Variants in ACOX3 observed in about 807,000 individuals in gnomAD.
The protein encoded by ACOX3 is peroxisomal acyl-coenzyme A oxidase 3.
Under a neutral mutation model 81.5 loss-of-function variants are expected in ACOX3, and 73 were observed. The ratio of observed to expected loss-of-function variants is 0.90; its 90% CI spans 0.74 to 1.09. The LOEUF (loss-of-function observed/expected upper bound fraction) is 1.09, where lower values mean the gene tolerates loss of function less well. ACOX3 is among the 50% of genes least tolerant of loss of function. The pLI is 0.00. For synonymous variants in ACOX3, 387 were observed against 375.1 expected (o/e 1.03, Z -0.37); for missense variants, 947 against 928.0 (o/e 1.02, Z -0.27).
At chr4:8,398,714 G>C (rs1424612322) in intron 8 of ACOX3, among the ~76,000 whole-genome samples, 5 of 152,148 alleles carry the variant, frequency 3.3e-5, no homozygotes, top group Non-Finnish European at 7.3e-5. Flanking sequence ...GGGCTCAAGC[G>C]ATCTGCCCAC....
chr4:8,408,383 C>T (rs889149957), intron 6 of ACOX3, among the ~76,000 whole-genome samples: 4 of 152,202 alleles, frequency 2.6e-5, no homozygotes, highest in Non-Finnish European at 5.9e-5. Context: ...CTGTTTCCAT[C>T]CCTCCTTATC....
Position 8,431,018 on chromosome 4 carries a change from G to A in ACOX3, c.-15+9630C>T, listed in dbSNP as rs1723921090. On this transcript the variant is annotated intron_variant, in intron 1 of 17. Transcript: ENST00000356406. The surrounding 1 kb of genome is among the most constrained non-coding windows in gnomAD (Gnocchi z 5.3). The stretch of plus-strand genomic sequence containing the variant: ...CAGTACAGGTAAAAGACAAGGGCCT[G>A]AGATAAGGCCATCTTGGTGGAGCTG... Among the ~76,000 whole-genome samples the A allele has an allele frequency of 6.6e-6, 1 of 152,188 alleles. No individual in the cohort carries two copies. The highest frequency in any genetic ancestry group is 2.4e-5 in the African/African-American group (1 of 41,444).
At chr4:8,415,045 C>A (rs1018290850) in intron 3 of ACOX3, 117 bp from the exon 4 acceptor site, 4 of 937,938 alleles carry the variant, frequency 4.3e-6, no homozygotes, top group South Asian at 1.4e-5. Context: ...CCCTGCCACA[C>A]TGCACTTTCC....
chr4:8,372,266 T>A (rs1716308576), intron 16 of ACOX3, among the ~76,000 whole-genome samples: 1 of 152,168 alleles, frequency 6.6e-6, no homozygotes, highest in South Asian at 2.1e-4. Context: ...GGCTAATTTT[T>A]TAAAATTATT....
At chr4:8,374,917 A>G (rs953715293) in intron 15 of ACOX3, 61 bp downstream of exon 15, 82 of 1,436,718 alleles carry the variant, frequency 5.7e-5, no homozygotes, top group Non-Finnish European at 7.4e-5. Context: ...GCAGCTTCCT[A>G]GATACAACAC....
intron 7 of ACOX3, among the ~76,000 whole-genome samples, chr4:8,401,608 C>T (rs567161647): frequency 8.5e-5 from 13 of 152,338 alleles, no homozygotes; most frequent in East Asian, 7.7e-4. Context: ...GGAGCTGGGC[C>T]GTTTCCCAAA....
In ACOX3 at chr4:8,384,857, T is replaced by TCTGGTGCTCCTGAATGG; in HGVS notation, c.1538-3267_1538-3251dup. Among the ~76,000 whole-genome samples the TCTGGTGCTCCTGAATGG allele has an allele frequency of 2.0e-5, 3 of 152,260 alleles. No homozygotes were observed. In the East Asian group the frequency reaches 5.8e-4, roughly 29 times the overall value. ...GCCCGGGTCTGACCATGCCCGCCGC[T>TCTGGTGCTCCTGAATGG]CTGGTGCTCCTGAATGGCCGGTGCT... On this transcript the variant is annotated intron_variant, in intron 13 of 17. Transcript: ENST00000356406. This position sits in a 1 kb window ranked among gnomAD's most constrained non-coding sequence, Gnocchi z 5.3.
rs750258060 is a variant in ACOX3, at chr4:8,368,009, A to T, written c.1984-929T>A. Among the ~76,000 whole-genome samples the T allele has an allele frequency of 2.7e-5, 4 of 150,706 alleles. No homozygotes were observed. On this transcript the variant is annotated intron_variant, in intron 17 of 17. Transcript: ENST00000356406. This position sits in a 1 kb window ranked among gnomAD's most constrained non-coding sequence, Gnocchi z 5.9. ...CCTATCTCAAAAAAAAAAAAAAAGA[A>T]CTGATCGTGGCAGTGGACACGCTGT...
chr4:8,394,850 C>T lies in ACOX3; in HGVS notation c.1057-108G>A. ...AGGGAGAGGCCGTCAGGGCCACACA[C>T]CCACTAGCGCTGAAGGTCTTCACAT... On this transcript the variant is annotated intron_variant, in intron 9 of 17. Transcript: ENST00000356406. The surrounding 1 kb of genome is among the most constrained non-coding windows in gnomAD (Gnocchi z 5.9). 3 of 1,396,018 alleles carry T rather than the reference C, an allele frequency of 2.1e-6. No individual in the cohort carries two copies. Among genetic ancestry groups the T allele is most frequent in the Non-Finnish European group, 2.9e-6 (3 of 1,044,894 alleles). The allele number at this position is 1,396,018 out of a possible 1,614,324, so 86.5% of individuals were successfully genotyped here.
chr4:8,387,127 G>C (rs1265986389), intron 13 of ACOX3, among the ~76,000 whole-genome samples: 1 of 152,250 alleles, frequency 6.6e-6, no homozygotes, highest in Admixed American at 6.5e-5. Context: ...CACCTCGAGG[G>C]CGGTTCCTGT....
rs1405978767 is a variant in ACOX3, at chr4:8,407,716, G to A, written c.688-1673C>T. On this transcript the variant is annotated intron_variant, in intron 6 of 17. Coordinates refer to ENST00000356406, the MANE Select transcript of ACOX3 (RefSeq NM_003501.3). This position sits in a 1 kb window ranked among gnomAD's most constrained non-coding sequence, Gnocchi z 4.6. ...TGCAAATAGGTGTAGTGGGAGAAAC[G>A]GCTATGAATATTCTGGTCAATCACC... Among the ~76,000 whole-genome samples the A allele has an allele frequency of 1.3e-5, 2 of 152,210 alleles. No homozygotes were observed. The highest frequency in any genetic ancestry group is 2.9e-5 in the Non-Finnish European group (2 of 68,048).
Position 8,432,907 on chromosome 4 carries a change from T to A in ACOX3, c.-15+7741A>T, listed in dbSNP as rs1320997909. On this transcript the variant is annotated intron_variant, in intron 1 of 17. Coordinates refer to ENST00000356406, the MANE Select transcript of ACOX3 (RefSeq NM_003501.3). This position sits in a 1 kb window ranked among gnomAD's most constrained non-coding sequence, Gnocchi z 6.2. Reference sequence around the variant, plus strand: ...TGTGCAGCAGTTAAATACATTCAATTTCCCATAAATCTAATTTAAATCAGT... The same window carrying A: ...TGTGCAGCAGTTAAATACATTCAATATCCCATAAATCTAATTTAAATCAGT... Among the ~76,000 whole-genome samples the A allele has an allele frequency of 6.6e-6, 1 of 152,222 alleles. No homozygotes were observed. Among genetic ancestry groups the A allele is most frequent in the Non-Finnish European group, 1.5e-5 (1 of 68,048 alleles).
At chr4:8,358,701 C>CT in the ACOX3 span, among the ~76,000 whole-genome samples, 4 of 152,202 alleles carry the variant, frequency 2.6e-5, no homozygotes, top group African/African-American at 9.7e-5. Context: ...ATCCTCACTG[C>CT]TACACTCCCA....
Position 8,394,521 on chromosome 4 carries a change from T to C in ACOX3, c.1179+99A>G. ...TGGAGGAATGCTCTGTCCTCGCAAATCAAAGGACTGATTTTGCTTTGAAAT... is the reference window on the plus strand; with the variant it reads ...TGGAGGAATGCTCTGTCCTCGCAAACCAAAGGACTGATTTTGCTTTGAAAT... On this transcript the variant is annotated intron_variant, in intron 10 of 17. Coordinates refer to ENST00000356406, the MANE Select transcript of ACOX3 (RefSeq NM_003501.3). This position sits in a 1 kb window ranked among gnomAD's most constrained non-coding sequence, Gnocchi z 5.9. 6.6e-7 allele frequency: 1 copy of C among 1,513,066 alleles called. No homozygotes were observed. Among genetic ancestry groups the C allele is most frequent in the Non-Finnish European group, 8.9e-7 (1 of 1,124,572 alleles). 93.7% of individuals were successfully genotyped at this position (1,513,066 alleles called of 1,614,324 possible).
In ACOX3 at chr4:8,371,886, T is replaced by C. The variant is rs28592953; in HGVS notation, c.1897-892A>G. On this transcript the variant is annotated intron_variant, in intron 16 of 17. Transcript: ENST00000356406. ...CGGGCCACGGTCTCTGGCAACTGCC[T>C]ACTGTGCCGTGGAAGCACAAAGGCA... 8.7e-3 allele frequency among the ~76,000 whole-genome samples: 1,323 copies of C among 152,356 alleles called. 19 individuals are homozygous for C. Among genetic ancestry groups the C allele is most frequent in the African/African-American group, 0.03 (1,257 of 41,580 alleles).
At chr4:8,371,632 A>G (rs930339796) in intron 16 of ACOX3, among the ~76,000 whole-genome samples, 2 of 152,260 alleles carry the variant, frequency 1.3e-5, no homozygotes, top group East Asian at 1.9e-4. Flanking sequence ...ATCAAAGGCA[A>G]TCAGTCAGTA....
At chr4:8,383,346 A>T (rs1200867978) in intron 13 of ACOX3, among the ~76,000 whole-genome samples, 1 of 152,236 alleles carries the variant, frequency 6.6e-6, no homozygotes, top group Admixed American at 6.5e-5. Context: ...ACAGCTGTGA[A>T]TGTGACCTTT....
intron 16 of ACOX3, among the ~76,000 whole-genome samples, chr4:8,371,783 A>AAATGCTCT (rs1716239250): frequency 6.6e-6 from 1 of 152,278 alleles, no homozygotes; most frequent in Admixed American, 6.5e-5. Context: ...CCCGGAGAGA[A>AAATGCTCT]GCTCTCGGCA....
rs1397300256 is a variant in ACOX3 at position 8,400,761 on chromosome 4, G to C, written c.777-1109C>G. Among the ~76,000 whole-genome samples, 1 of 152,186 alleles carries C rather than the reference G, an allele frequency of 6.6e-6. No homozygotes were observed. Among genetic ancestry groups the C allele is most frequent in the Non-Finnish European group, 1.5e-5 (1 of 68,040 alleles). The stretch of plus-strand genomic sequence containing the variant: ...AGTTCACTTGCAATGCCTTAGGGCA[G>C]CAGTCCGCAACCTTTTTGGCACCAG... On this transcript the variant is annotated intron_variant, in intron 7 of 17. Coordinates refer to ENST00000356406, the MANE Select transcript of ACOX3 (RefSeq NM_003501.3). The surrounding 1 kb of genome is among the most constrained non-coding windows in gnomAD (Gnocchi z 4.4).
Sources: gnomAD v4.1 joint callset for allele counts (sites outside exome capture counted in the v4.1 genomes callset) on GRCh38, gnomAD v4.1.1 for gene constraint, Gnocchi (gnomAD v3.1) non-coding constraint, MANE v1.5 for transcripts, NCBI Gene and HGNC (gene_info 2026-07-23, HGNC 2026-07-21) for gene names.